The following KTN1 variants were observed in gnomAD, a reference collection of about 807,000 sequenced individuals.
KTN1 encodes the protein kinectin 1.
KTN1 carries 130 observed loss-of-function variants against 222.5 expected under a neutral mutation model. That is an observed-to-expected ratio of 0.58 (90% CI 0.51 to 0.68). The LOEUF is 0.68. Among genes scored for constraint, KTN1 ranks in the 30% least tolerant of loss-of-function variants. KTN1 has a pLI of 0.00. For synonymous variants in KTN1, 512 were observed against 496.3 expected, an observed-to-expected ratio of 1.03 and a Z score of -0.42; for missense variants, 1,508 against 1,500.4, an observed-to-expected ratio of 1.01 and a Z score of -0.08.
chr14:55,622,711 C>A (rs904087010), intron 5 of KTN1, among the ~76,000 whole-genome samples: 1 of 152,168 alleles, frequency 6.6e-6, no homozygotes, highest in Non-Finnish European at 1.5e-5. Flanking sequence ...ACAGTAGTCT[C>A]CAGATTGATG....
intron 1 of KTN1, among the ~76,000 whole-genome samples, chr14:55,603,739 T>C (rs576619214): frequency 1.3e-5 from 2 of 152,228 alleles, no homozygotes; most frequent in Admixed American, 1.3e-4. Context: ...CAACTCTTAT[T>C]TAGCTGTCTC....
intron 1 of KTN1, among the ~76,000 whole-genome samples, chr14:55,604,497 T>C (rs1025960130): frequency 6.6e-6 from 1 of 152,082 alleles, no homozygotes; most frequent in Non-Finnish European, 1.5e-5. Context: ...AAAAATTAAA[T>C]AAAATTTAAT....
rs2044376399 is a variant in KTN1, at chr14:55,663,586, T to G, written c.3091-369T>G. Reference sequence around the variant, plus strand: ...CTCGTTTAAACATCACATGAAAAGCTTTTTATAATACTTCTATATTTGCTC... The same window carrying G: ...CTCGTTTAAACATCACATGAAAAGCGTTTTATAATACTTCTATATTTGCTC... On this transcript the variant is annotated intron_variant, in intron 32 of 43. Coordinates refer to ENST00000395314, the MANE Select transcript of KTN1 (RefSeq NM_001079521.2). The G allele has an allele frequency of 2.2e-5, 4 of 178,178 alleles. 1 individual carries two copies. The South Asian group carries it at 5.2e-4, about 23-fold the overall frequency. 11.0% of individuals were successfully genotyped at this position (178,178 alleles called of 1,614,324 possible).
At chr14:55,626,897 T>G (rs1487218259) in intron 5 of KTN1, among the ~76,000 whole-genome samples, 1 of 152,110 alleles carries the variant, frequency 6.6e-6, no homozygotes. Flanking sequence ...TGAGACCTTC[T>G]TCCAAGAAAG....
chr14:55,617,816 GT>G (rs2038599457), intron 3 of KTN1, 147 bp from the exon 4 acceptor site: 1 of 582,622 alleles, frequency 1.7e-6, no homozygotes, highest in Non-Finnish European at 3.0e-6. Flanking sequence ...GTTTTGACTT[GT>G]TAAATGACGA....
chr14:55,676,940 AC>A (rs2045933347), intron 41 of KTN1, among the ~76,000 whole-genome samples: 1 of 152,170 alleles, frequency 6.6e-6, no homozygotes, highest in Non-Finnish European at 1.5e-5. Context: ...TTACTTTGAT[AC>A]GTGATTTTAA....
Position 55,673,240 on chromosome 14 carries a change from T to C in KTN1, c.3756T>C (p.Asn1252=). 2 of 1,611,204 alleles carry C rather than the reference T, an allele frequency of 1.2e-6. No individual in the cohort carries two copies. The highest frequency in any genetic ancestry group is 1.7e-5 in the Admixed American group (1 of 59,974). Residue 1252 remains asparagine, a synonymous_variant, in exon 40 of 44, where the codon AAT becomes AAC. Coordinates refer to ENST00000395314, the MANE Select transcript of KTN1 (RefSeq NM_001079521.2). ...CATATTCTGAAGCAGTAAGACAGAA[T>C]GAAGAGCTAAATTTGGTAAGAAGCT... ...DDSYSEAVRQ[N]EELNLLKAQL...
intron 28 of KTN1, among the ~76,000 whole-genome samples, chr14:55,655,159 T>C (rs2043340210): frequency 6.6e-6 from 1 of 152,088 alleles, no homozygotes; most frequent in Non-Finnish European, 1.5e-5. Flanking sequence ...TGGCTAATTT[T>C]TTAGAAACAG....
intron 1 of KTN1, among the ~76,000 whole-genome samples, chr14:55,605,411 T>G (rs1653511911): frequency 6.6e-6 from 1 of 152,186 alleles, no homozygotes; most frequent in Admixed American, 6.5e-5. Flanking sequence ...TATTTTGCGT[T>G]GTGGGCTTAT....
Position 55,637,630 on chromosome 14 carries a change from T to C in KTN1, c.1717-149T>C. ...TAAGCTAACTCAGATTGTCTAATCA[T>C]TGTTTAAAATAATGCCTTTTGGAAT... On this transcript the variant is annotated intron_variant, in intron 11 of 43. Transcript: ENST00000395314. 3 of 620,128 alleles carry C rather than the reference T, an allele frequency of 4.8e-6. No homozygotes were observed. The East Asian group carries it at 8.0e-5, about 16-fold the overall frequency. The allele number at this position is 620,128 out of a possible 1,614,324, so 38.4% of individuals were successfully genotyped here. A position where few individuals can be genotyped will look rare whatever the true frequency, so the allele number is the denominator to read the frequency against.
intron 22 of KTN1, 136 bp downstream of exon 22, chr14:55,649,949 A>C: frequency 1.9e-6 from 1 of 538,048 alleles, no homozygotes. Flanking sequence ...ATTTTTCTTA[A>C]TGGAATAAGA....
chr14:55,597,652 G>A (rs576162710), intron 1 of KTN1, among the ~76,000 whole-genome samples: 9 of 152,012 alleles, frequency 5.9e-5, no homozygotes, highest in African/African-American at 2.2e-4. Context: ...TCAGGAGTTT[G>A]AGAACAGCCT....
intron 8 of KTN1, among the ~76,000 whole-genome samples, chr14:55,634,184 T>G (rs1311676718): frequency 9.9e-5 from 15 of 152,086 alleles, no homozygotes; most frequent in Non-Finnish European, 2.2e-4. Flanking sequence ...GAGGCCATAC[T>G]TTGAGAAATA....
intron 9 of KTN1, 89 bp downstream of exon 9, chr14:55,634,747 C>A: frequency 8.9e-7 from 1 of 1,122,624 alleles, no homozygotes. Flanking sequence ...CTGCCCGAGA[C>A]TGGGTAAATT....
chr14:55,628,525 G>A (rs1401219303), intron 6 of KTN1, among the ~76,000 whole-genome samples: 1 of 152,170 alleles, frequency 6.6e-6, no homozygotes, highest in Non-Finnish European at 1.5e-5. Flanking sequence ...AAAACATCAT[G>A]AAACTGAGAG....
rs767804653 is a variant in KTN1 at position 55,612,327 on chromosome 14, A to T, written c.279A>T (p.Glu93Asp). The T allele has an allele frequency of 6.2e-7, 1 of 1,614,204 alleles. No individual in the cohort carries two copies. The highest frequency in any genetic ancestry group is 1.7e-5 in the Admixed American group (1 of 60,022). ...AATTATCAGATGCTTTGGCAGTAGA[A>T]GATGATCAAGTTGCACCTGTTCCAT... ...DFKLSDALAV[E>D]DDQVAPVPLN... Residue 93 changes from glutamate to aspartate, a missense_variant, in exon 2 of 44, where the codon GAA (glutamate) becomes GAT (aspartate). By Grantham distance (45) the Glu-to-Asp change is conservative. Transcript: ENST00000395314.
chr14:55,631,263 T>G (rs2040473900), intron 7 of KTN1, among the ~76,000 whole-genome samples: 1 of 150,502 alleles, frequency 6.6e-6, no homozygotes, highest in Non-Finnish European at 1.5e-5. Context: ...TTCCATCTGC[T>G]GGCTGATCCT....
rs376673655 is a variant in KTN1, at chr14:55,615,777, G to A, written c.524-740G>A. On this transcript the variant is annotated intron_variant, in intron 2 of 43. Coordinates refer to ENST00000395314, the MANE Select transcript of KTN1 (RefSeq NM_001079521.2). ...GCTGGGAATTATGGTGATGGGGAAG[G>A]GTTTTCTCTTCCTTCCCTTCCCTTC... Among the ~76,000 whole-genome samples, 35 of 151,766 alleles carry A rather than the reference G, an allele frequency of 2.3e-4. 1 individual carries two copies. The highest frequency in any genetic ancestry group is 7.7e-4 in the African/African-American group (32 of 41,344).
chr14:55,594,290 C>T (rs2034652968), intron 1 of KTN1, among the ~76,000 whole-genome samples: 1 of 152,102 alleles, frequency 6.6e-6, no homozygotes, highest in African/African-American at 2.4e-5. Context: ...TGTTCCCTTC[C>T]TTTGCACAAA....
Sources: allele counts gnomAD v4.1 joint callset (sites outside exome capture counted in the v4.1 genomes callset), GRCh38; gene constraint gnomAD v4.1.1; transcripts MANE v1.5; gene names NCBI Gene and HGNC (gene_info 2026-07-23, HGNC 2026-07-21).